SET: variants seen among roughly 807,000 people sequenced by gnomAD.
SET encodes SET nuclear proto-oncogene.
Under a neutral mutation model 39.0 loss-of-function variants are expected in SET, and 4 were observed. The observed-to-expected ratio is 0.10, with a 90% confidence interval of 0.05 to 0.23. The LOEUF is 0.23. SET is among the 10% of genes least tolerant of loss of function. The probability of loss-of-function intolerance (pLI) is 1.00; values close to 1 mark genes in which losing one functional copy is unlikely to be tolerated. For missense variants in SET, 137 were observed against 329.7 expected (o/e 0.42, Z 4.53); for synonymous variants, 114 against 115.9 (o/e 0.98, Z 0.11).
intron 1 of SET, chr9:128,690,507 C>CTG (rs1349045959): frequency 6.5e-6 from 1 of 153,562 alleles, no homozygotes; most frequent in East Asian, 1.9e-4. Flanking sequence ...CCTCTCCCTT[C>CTG]TGTGCCTCAC....
rs892793865 is a variant in SET, at chr9:128,689,483, G to A, written c.-100G>A. ...CGGGAGGAGGCGGCCGGACCGAGCG[G>A]GCGCCCGCGCGTGTGGCGTGAGGGG... On this transcript the variant is annotated 5_prime_UTR_variant, in exon 1 of 8. Coordinates refer to ENST00000322030, the MANE Select transcript of SET (RefSeq NM_003011.4). 19 of 653,888 alleles carry A rather than the reference G, an allele frequency of 2.9e-5. No homozygotes were observed. In the Admixed American group the frequency reaches 4.0e-4, roughly 14 times the overall value. 40.5% of individuals were successfully genotyped at this position (653,888 alleles called of 1,614,324 possible).
At position 128,689,576 on chromosome 9, in the gene SET, C is replaced by G; in HGVS notation, c.-7C>G. The G allele has an allele frequency of 7.4e-7, 1 of 1,358,216 alleles. No homozygotes were observed. Among genetic ancestry groups the G allele is most frequent in the Non-Finnish European group, 9.7e-7 (1 of 1,035,470 alleles). 84.1% of individuals were successfully genotyped at this position (1,358,216 alleles called of 1,614,324 possible). On this transcript the variant is annotated 5_prime_UTR_variant, in exon 1 of 8. Coordinates refer to ENST00000322030, the MANE Select transcript of SET (RefSeq NM_003011.4). The stretch of plus-strand genomic sequence containing the variant: ...CCCCGCTCCCCCCCCGACCGCGGAG[C>G]AGCACCATGTCGGCGCCGGCGGCCA...
upstream of SET, among the ~76,000 whole-genome samples, chr9:128,687,819 G>C (rs1018804592): frequency 5.9e-5 from 9 of 152,068 alleles, no homozygotes; most frequent in African/African-American, 1.9e-4. Flanking sequence ...GGAATTCCTG[G>C]GCCCAAGCGA....
upstream of SET, among the ~76,000 whole-genome samples, chr9:128,686,941 C>A (rs771216344): frequency 6.6e-6 from 1 of 152,186 alleles, no homozygotes; most frequent in Non-Finnish European, 1.5e-5. Context: ...TGGTTCTGGG[C>A]GACAGAGAGA....
upstream of SET, chr9:128,689,195 C>G (rs1322576519): frequency 3.8e-5 from 35 of 926,946 alleles, no homozygotes; most frequent in Non-Finnish European, 4.5e-5. Context: ...CCGCGCGGGG[C>G]CTGGCGCGCC....
At position 128,689,472 on chromosome 9, in the gene SET, C is replaced by G; in HGVS notation, c.-111C>G. 1 of 640,350 alleles carries G rather than the reference C, an allele frequency of 1.6e-6. No homozygotes were observed. Among genetic ancestry groups the G allele is most frequent in the South Asian group, 5.2e-5 (1 of 19,088 alleles). The allele number at this position is 640,350 out of a possible 1,614,324, so 39.7% of individuals were successfully genotyped here. A position where few individuals can be genotyped will look rare whatever the true frequency, so the allele number is the denominator to read the frequency against. The stretch of plus-strand genomic sequence containing the variant: ...CGAGCGAGCGCCGGGAGGAGGCGGC[C>G]GGACCGAGCGGGCGCCCGCGCGTGT... On this transcript the variant is annotated 5_prime_UTR_variant, in exon 1 of 8. Coordinates refer to ENST00000322030, the MANE Select transcript of SET (RefSeq NM_003011.4).
rs1338161441 is a variant in SET at position 128,692,990 on chromosome 9, T to C, written c.492+9T>C. 1 of 1,534,742 alleles carries C rather than the reference T, an allele frequency of 6.5e-7. No homozygotes were observed. Among genetic ancestry groups the C allele is most frequent in the Non-Finnish European group, 9.0e-7 (1 of 1,112,074 alleles). ...AATGGAAATCTGGAAAGGTATGTTT[T>C]GAGGAATTATTTGACAAAAATAGCA... On this transcript the variant is annotated intron_variant, in intron 5 of 7. Transcript: ENST00000322030.
At chr9:128,685,362 C>T (rs1365181421), upstream of SET, 21 of 674,654 alleles carry the variant, frequency 3.1e-5, no homozygotes, top group East Asian at 2.8e-5. Flanking sequence ...TGCATTTGTG[C>T]GCAGCAAAAT....
Position 128,689,326 on chromosome 9 carries a change from C to CCGCCGCCGA in SET, c.-253_-252insGCCGACGCC. ...GAGGGAGCCGAGCCGCCCGCCGCCG[C>CCGCCGCCGA]CGCCTCCGCCTCCCCTCCGCGAACA... On this transcript the variant is annotated 5_prime_UTR_variant, in exon 1 of 8. Coordinates refer to ENST00000322030, the MANE Select transcript of SET (RefSeq NM_003011.4). The CCGCCGCCGA allele has an allele frequency of 9.6e-7, 1 of 1,037,276 alleles. No homozygotes were observed. The highest frequency in any genetic ancestry group is 1.2e-6 in the Non-Finnish European group (1 of 862,672). 64.3% of individuals were successfully genotyped at this position (1,037,276 alleles called of 1,614,324 possible). A position where few individuals can be genotyped will look rare whatever the true frequency, so the allele number is the denominator to read the frequency against.
At chr9:128,683,758 G>T in exon 1 of SET, 1 of 671,296 alleles carries the variant, frequency 1.5e-6, no homozygotes. Context: ...GTGTCCCACT[G>T]TCATGTAAAT....
intron 7 of SET, among the ~76,000 whole-genome samples, chr9:128,694,385 C>T (rs967057507): frequency 1.3e-5 from 2 of 152,106 alleles, no homozygotes; most frequent in Non-Finnish European, 2.9e-5. Context: ...ACAAACTGCA[C>T]AATTTCTGAA....
chr9:128,686,841 GGCAGTGGTGCTT>G (rs1228324971), upstream of SET, among the ~76,000 whole-genome samples: 1 of 151,608 alleles, frequency 6.6e-6, no homozygotes, highest in African/African-American at 2.4e-5. Context: ...CAGGCAAGGT[GGCAGTGGTGCTT>G]GCCTGTGGTC....
intron 5 of SET, among the ~76,000 whole-genome samples, chr9:128,693,261 G>GT (rs763265081): frequency 1.3e-5 from 2 of 152,130 alleles, no homozygotes; most frequent in Non-Finnish European, 2.9e-5. Context: ...TCTAGCCCAA[G>GT]TTTAAGAATT....
In SET at chr9:128,692,861, A is replaced by T; in HGVS notation, c.379-7A>T. ...CATATTTCTAATCTTTCAATTATTTATTACAGTATTTTGATGAAAATCCTT... is the reference window on the plus strand; with the variant it reads ...CATATTTCTAATCTTTCAATTATTTTTTACAGTATTTTGATGAAAATCCTT... On this transcript the variant is annotated splice_region_variant and splice_polypyrimidine_tract_variant and intron_variant, in intron 4 of 7. Coordinates refer to ENST00000322030, the MANE Select transcript of SET (RefSeq NM_003011.4). The T allele has an allele frequency of 6.5e-7, 1 of 1,538,536 alleles. No individual in the cohort carries two copies. Among genetic ancestry groups the T allele is most frequent in the Non-Finnish European group, 9.0e-7 (1 of 1,113,806 alleles).
intron 5 of SET, 75 bp downstream of exon 5, chr9:128,693,056 T>G (rs1013982705): frequency 2.1e-6 from 2 of 961,268 alleles, no homozygotes; most frequent in African/African-American, 1.7e-5. Flanking sequence ...TTACAAGTGC[T>G]TGATACTTTG....
intron 1 of SET, 61 bp from the exon 2 acceptor site, chr9:128,691,109 T>C: frequency 7.7e-7 from 1 of 1,305,320 alleles, no homozygotes; most frequent in East Asian, 2.3e-5. Context: ...ATTATAGTAT[T>C]AACATCTGGA....
At position 128,694,030 on chromosome 9, in the gene SET, G is replaced by A. The variant is rs772144031; in HGVS notation, c.798G>A (p.Gly266=). The A allele has an allele frequency of 1.3e-6, 2 of 1,518,426 alleles. No individual in the cohort carries two copies. Among genetic ancestry groups the A allele is most frequent in the South Asian group, 1.2e-5 (1 of 81,480 alleles). 94.1% of individuals were successfully genotyped at this position (1,518,426 alleles called of 1,614,324 possible). A position where few individuals can be genotyped will look rare whatever the true frequency, so the allele number is the denominator to read the frequency against. Residue 266 remains glycine, a synonymous_variant, in exon 7 of 8, where the codon GGG becomes GGA. Coordinates refer to ENST00000322030, the MANE Select transcript of SET (RefSeq NM_003011.4). ...AAGAAGATGAAGATGATGATGAAGG[G>A]GAGGAAGGAGAGGTAAAAGAAAATT... is the stretch of plus-strand genomic sequence containing the variant. ...EGEEDEDDDE[G]EEGEEDEGED...
At chr9:128,683,854 G>T (rs1861196563) in exon 1 of SET, 1 of 1,504,748 alleles carries the variant, frequency 6.6e-7, no homozygotes. Context: ...TTCCGGACGG[G>T]CGAGGAGACT....
chr9:128,687,469 G>A (rs1186401014), upstream of SET, among the ~76,000 whole-genome samples: 5 of 152,058 alleles, frequency 3.3e-5, no homozygotes, highest in East Asian at 3.9e-4. Flanking sequence ...TTAGCAGGGC[G>A]TGGTGACTCA....
Sources: allele counts gnomAD v4.1 joint callset (sites outside exome capture counted in the v4.1 genomes callset), GRCh38; gene constraint gnomAD v4.1.1; transcripts MANE v1.5; gene names NCBI Gene and HGNC (gene_info 2026-07-23, HGNC 2026-07-21).